Variants in PDSS2 observed in about 807,000 individuals in gnomAD.
PDSS2 encodes all trans-polyprenyl-diphosphate synthase PDSS2.
PDSS2 carries 31 observed loss-of-function variants against 44.5 expected under a neutral mutation model. The observed-to-expected ratio is 0.70, with a 90% CI of 0.52 to 0.94. The LOEUF is 0.94. PDSS2 is among the 40% of genes least tolerant of loss of function. PDSS2 has a pLI of 0.00. For missense variants in PDSS2, 452 were observed against 482.2 expected (o/e 0.94, Z 0.59); for synonymous variants, 157 against 180.3 (o/e 0.87, Z 1.03).
At chr6:107,290,670 C>G (rs528637073) in intron 2 of PDSS2, among the ~76,000 whole-genome samples, 2 of 152,214 alleles carry the variant, frequency 1.3e-5, no homozygotes, top group African/African-American at 4.8e-5. Flanking sequence ...CTGGACTGCA[C>G]TCGGCTTATG....
chr6:107,321,131 A>G (rs1427572198), intron 2 of PDSS2, among the ~76,000 whole-genome samples: 2 of 152,220 alleles, frequency 1.3e-5, no homozygotes, highest in Non-Finnish European at 2.9e-5. Context: ...TGTTAGCTAT[A>G]GTAATAATTA....
At chr6:107,264,371 C>T (rs1309432336) in intron 3 of PDSS2, 17 of 1,537,084 alleles carry the variant, frequency 1.1e-5, no homozygotes, top group African/African-American at 2.8e-5. Context: ...ACTGGTTATC[C>T]GGAAGTATAA....
chr6:107,258,159 G>A (rs892514139), intron 3 of PDSS2, among the ~76,000 whole-genome samples: 5 of 152,010 alleles, frequency 3.3e-5, no homozygotes, highest in Non-Finnish European at 5.9e-5. Context: ...ACACAAATCC[G>A]CCATAAAGAT....
At chr6:107,275,343 G>A (rs1232250890) in intron 2 of PDSS2, among the ~76,000 whole-genome samples, 1 of 152,118 alleles carries the variant, frequency 6.6e-6, no homozygotes, top group Non-Finnish European at 1.5e-5. Flanking sequence ...GTGCACACAA[G>A]TAAAATGATT....
intron 7 of PDSS2, among the ~76,000 whole-genome samples, chr6:107,186,336 AC>A (rs1772162856): frequency 6.6e-6 from 1 of 152,196 alleles, no homozygotes; most frequent in African/African-American, 2.4e-5. Context: ...AATGAGACAC[AC>A]ATGTTGAAGG....
chr6:107,226,181 C>T (rs1303630663), intron 4 of PDSS2, among the ~76,000 whole-genome samples: 3 of 152,148 alleles, frequency 2.0e-5, no homozygotes, highest in Non-Finnish European at 4.4e-5. Flanking sequence ...TGGTAGCAGG[C>T]GCCTGTAGTC....
intron 7 of PDSS2, among the ~76,000 whole-genome samples, chr6:107,188,867 C>T (rs1772270250): frequency 1.3e-5 from 2 of 152,160 alleles, no homozygotes; most frequent in South Asian, 2.1e-4. Context: ...CTATGCTTCT[C>T]GTATACCTGC....
intron 2 of PDSS2, among the ~76,000 whole-genome samples, chr6:107,292,660 A>T (rs1251726344): frequency 2.6e-5 from 4 of 152,234 alleles, no homozygotes; most frequent in Non-Finnish European, 5.9e-5. Flanking sequence ...AAGCCAGGTG[A>T]CTTACTATAT....
intron 2 of PDSS2, among the ~76,000 whole-genome samples, chr6:107,320,900 G>A (rs1402237873): frequency 6.6e-6 from 1 of 152,096 alleles, no homozygotes; most frequent in Non-Finnish European, 1.5e-5. Flanking sequence ...TACTTCATAG[G>A]TTGTCTACAG....
chr6:107,332,291 C>T lies in PDSS2; in HGVS notation c.431+1907G>A, dbSNP rs1040373510. Among the ~76,000 whole-genome samples the T allele has an allele frequency of 5.9e-5, 9 of 151,844 alleles. No homozygotes were observed. In the South Asian group the frequency reaches 1.3e-3, roughly 21 times the overall value. On this transcript the variant is annotated intron_variant, in intron 2 of 7. Coordinates refer to ENST00000369037, the MANE Select transcript of PDSS2 (RefSeq NM_020381.4). ...GGCTAATTTTTTATATTTTTTGTAGCGACTGGGTTTCTCCATGTTGCCCAG... is the reference window on the plus strand; with the variant it reads ...GGCTAATTTTTTATATTTTTTGTAGTGACTGGGTTTCTCCATGTTGCCCAG...
chr6:107,429,921 T>A lies in PDSS2; in HGVS notation c.296+29069A>T, dbSNP rs1194027068. On this transcript the variant is annotated intron_variant, in intron 1 of 7. Coordinates refer to ENST00000369037, the MANE Select transcript of PDSS2 (RefSeq NM_020381.4). Reference sequence around the variant, plus strand: ...AAAAAAATATATATATATATATATATATATATATATATATATACACCAAAC... The same window carrying A: ...AAAAAAATATATATATATATATATAAATATATATATATATATACACCAAAC... Among the ~76,000 whole-genome samples the A allele has an allele frequency of 2.7e-3, 303 of 110,862 alleles. 19 individuals are homozygous for A. The highest frequency in any genetic ancestry group is 9.2e-3 in the African/African-American group (258 of 27,934). The allele number at this position is 110,862 out of a possible 152,430, so 72.7% of individuals were successfully genotyped here. A position where few individuals can be genotyped will look rare whatever the true frequency, so the allele number is the denominator to read the frequency against.
chr6:107,429,919 TATATATATATATATATATACACCAAACC>T (rs1781136781), intron 1 of PDSS2, among the ~76,000 whole-genome samples: 3 of 107,268 alleles, frequency 2.8e-5, no homozygotes, highest in African/African-American at 1.2e-4. Context: ...TATATATATA[TATATATATATATATATATACACCAAACC>T]CAGAAAGAAA....
chr6:107,223,682 C>G (rs1773692523), intron 4 of PDSS2, among the ~76,000 whole-genome samples: 1 of 151,420 alleles, frequency 6.6e-6, no homozygotes, highest in South Asian at 2.1e-4. Flanking sequence ...CCACTGCACT[C>G]TAGCTTGGGC....
intron 2 of PDSS2, among the ~76,000 whole-genome samples, chr6:107,283,198 G>A (rs1019103095): frequency 6.6e-6 from 1 of 151,748 alleles, no homozygotes; most frequent in Admixed American, 6.6e-5. Context: ...GGTGGTGTGT[G>A]CCTGTGATTC....
chr6:107,379,818 A>G (rs976826905), intron 1 of PDSS2, among the ~76,000 whole-genome samples: 1 of 152,060 alleles, frequency 6.6e-6, no homozygotes, highest in Non-Finnish European at 1.5e-5. Flanking sequence ...TTACTGCCAA[A>G]TTGAAAATAC....
intron 2 of PDSS2, among the ~76,000 whole-genome samples, chr6:107,298,239 T>C (rs1449556308): frequency 6.6e-6 from 1 of 152,148 alleles, no homozygotes; most frequent in Non-Finnish European, 1.5e-5. Flanking sequence ...ACACATATAG[T>C]TGGCCATTGG....
intron 2 of PDSS2, among the ~76,000 whole-genome samples, chr6:107,330,217 T>C (rs1777670734): frequency 6.6e-6 from 1 of 152,122 alleles, no homozygotes; most frequent in African/African-American, 2.4e-5. Context: ...TAAGGAGTAT[T>C]ACAGATGCAA....
chr6:107,189,272 TC>T (rs1209672947), intron 7 of PDSS2, among the ~76,000 whole-genome samples: 1 of 152,194 alleles, frequency 6.6e-6, no homozygotes, highest in Non-Finnish European at 1.5e-5. Flanking sequence ...GGTCTCGAAC[TC>T]CTGAGCTCAA....
intron 4 of PDSS2, among the ~76,000 whole-genome samples, chr6:107,229,407 A>T (rs190743686): frequency 2.0e-5 from 3 of 151,576 alleles, no homozygotes; most frequent in South Asian, 2.1e-4. Flanking sequence ...CTGGTCTCAA[A>T]CTCCTGACCT....
Sources: gnomAD v4.1 joint callset for allele counts (sites outside exome capture counted in the v4.1 genomes callset) on GRCh38, gnomAD v4.1.1 for gene constraint, MANE v1.5 for transcripts, NCBI Gene and HGNC (gene_info 2026-07-23, HGNC 2026-07-21) for gene names.